NXPH1: variants seen among roughly 807,000 people sequenced by gnomAD.
NXPH1 encodes neurexophilin-1.
In NXPH1, 5 loss-of-function variants were observed where a neutral mutation model predicts 23.7. The observed-to-expected ratio is 0.21, with a 90% CI of 0.11 to 0.44. NXPH1 has a LOEUF of 0.44. Ranked by LOEUF, NXPH1 falls within the 20% of genes least tolerant of loss-of-function variation. NXPH1 has a pLI of 0.99. For synonymous variants in NXPH1, 144 were observed against 122.2 expected, an observed-to-expected ratio of 1.18 and a Z score of -1.18; for missense variants, 324 against 321.6, an observed-to-expected ratio of 1.01 and a Z score of -0.06.
chr7:8,605,487 G>A (rs951278978), intron 2 of NXPH1, among the ~76,000 whole-genome samples: 2 of 152,082 alleles, frequency 1.3e-5, no homozygotes, highest in Non-Finnish European at 2.9e-5. Flanking sequence ...TATTGCTAGG[G>A]ATTAGAAGCA....
intron 2 of NXPH1, among the ~76,000 whole-genome samples, chr7:8,529,460 G>A (rs942216482): frequency 6.6e-6 from 1 of 152,120 alleles, no homozygotes; most frequent in African/African-American, 2.4e-5. Context: ...GAGATAAGGA[G>A]ACTTGATGGG....
Position 8,635,831 on chromosome 7 carries a change from A to G in NXPH1, c.55-115177A>G, listed in dbSNP as rs115218634. 2.0e-3 allele frequency among the ~76,000 whole-genome samples: 299 copies of G among 152,302 alleles called. 2 individuals are homozygous for G. The highest frequency in any genetic ancestry group is 6.7e-3 in the African/African-American group (277 of 41,580). On this transcript the variant is annotated intron_variant, in intron 2 of 2. Coordinates refer to ENST00000405863, the MANE Select transcript of NXPH1 (RefSeq NM_152745.3). ...AGTTTGGTCCAACTGAATTTAGAAT[A>G]TATACACTTGGATAGTTTGCCCATT...
chr7:8,570,281 G>T (rs1277375959), intron 2 of NXPH1, among the ~76,000 whole-genome samples: 7 of 151,942 alleles, frequency 4.6e-5, no homozygotes, highest in Non-Finnish European at 1.0e-4. Flanking sequence ...AATGGAGGCA[G>T]CATAGTTAAG....
chr7:8,564,526 C>T (rs988064906), intron 2 of NXPH1, among the ~76,000 whole-genome samples: 2 of 151,698 alleles, frequency 1.3e-5, no homozygotes, highest in Admixed American at 1.3e-4. Context: ...GAAAGCATAT[C>T]TCAAACTGAG....
intron 2 of NXPH1, among the ~76,000 whole-genome samples, chr7:8,604,111 G>C (rs1225198660): frequency 6.6e-6 from 1 of 152,032 alleles, no homozygotes; most frequent in Admixed American, 6.6e-5. Flanking sequence ...TTCTTCTAAA[G>C]ACTAAGCTGG....
chr7:8,489,637 A>G (rs1817216196), intron 2 of NXPH1, among the ~76,000 whole-genome samples: 1 of 152,112 alleles, frequency 6.6e-6, no homozygotes, highest in Non-Finnish European at 1.5e-5. Flanking sequence ...GGCAAATATT[A>G]GGATACTGTG....
intron 2 of NXPH1, among the ~76,000 whole-genome samples, chr7:8,461,703 G>A (rs1271579661): frequency 6.6e-6 from 1 of 150,506 alleles, no homozygotes; most frequent in Non-Finnish European, 1.5e-5. Context: ...GGTGGCGGGC[G>A]CCTGTAGTCC....
intron 2 of NXPH1, among the ~76,000 whole-genome samples, chr7:8,661,690 A>G (rs900658147): frequency 2.6e-5 from 4 of 152,166 alleles, no homozygotes; most frequent in African/African-American, 9.6e-5. Flanking sequence ...CTTTGGTTCA[A>G]TTATATCCCA....
chr7:8,453,975 T>C (rs562360348), intron 2 of NXPH1, among the ~76,000 whole-genome samples: 2 of 152,194 alleles, frequency 1.3e-5, no homozygotes, highest in East Asian at 3.9e-4. Context: ...TCTTTCTCCT[T>C]AGCAAACTAA....
intron 2 of NXPH1, among the ~76,000 whole-genome samples, chr7:8,744,871 A>G (rs147014984): frequency 6.6e-6 from 1 of 152,250 alleles, no homozygotes; most frequent in East Asian, 1.9e-4. Flanking sequence ...TTTCTCTGCT[A>G]CTGTTTTGGT....
intron 2 of NXPH1, among the ~76,000 whole-genome samples, chr7:8,466,367 G>A (rs946752364): frequency 2.0e-5 from 3 of 152,166 alleles, no homozygotes; most frequent in Admixed American, 1.3e-4. Flanking sequence ...GGAACGATGA[G>A]CTCTTTTTAT....
At chr7:8,693,608 G>A (rs1408792549) in intron 2 of NXPH1, among the ~76,000 whole-genome samples, 1 of 152,174 alleles carries the variant, frequency 6.6e-6, no homozygotes, top group Non-Finnish European at 1.5e-5. Context: ...ATCATTAAGT[G>A]TTATTATTTT....
chr7:8,577,869 G>A (rs1315956193), intron 2 of NXPH1, among the ~76,000 whole-genome samples: 2 of 152,250 alleles, frequency 1.3e-5, no homozygotes, highest in South Asian at 2.1e-4. Context: ...ATTTGAAGAG[G>A]GACTGAGGCT....
chr7:8,627,591 C>G (rs899850826), intron 2 of NXPH1, among the ~76,000 whole-genome samples: 7 of 152,110 alleles, frequency 4.6e-5, no homozygotes, highest in African/African-American at 7.2e-5. Flanking sequence ...CATTTTATTA[C>G]TGACACTGAA....
chr7:8,654,678 C>T (rs1250949853), intron 2 of NXPH1, among the ~76,000 whole-genome samples: 1 of 152,152 alleles, frequency 6.6e-6, no homozygotes, highest in African/African-American at 2.4e-5. Context: ...TTTGCATCCT[C>T]ACTCAAGCCA....
At chr7:8,531,864 A>G (rs1817954159) in intron 2 of NXPH1, among the ~76,000 whole-genome samples, 1 of 152,102 alleles carries the variant, frequency 6.6e-6, no homozygotes, top group Non-Finnish European at 1.5e-5. Context: ...CAGTAGCAGT[A>G]TTTTTCTGTG....
At chr7:8,457,146 T>G (rs995854581) in intron 2 of NXPH1, among the ~76,000 whole-genome samples, 7 of 152,206 alleles carry the variant, frequency 4.6e-5, no homozygotes, top group African/African-American at 1.7e-4. Context: ...ACTCTTTACC[T>G]GTGGAAGAGG....
intron 2 of NXPH1, among the ~76,000 whole-genome samples, chr7:8,695,792 A>C (rs1821299933): frequency 6.6e-6 from 1 of 152,244 alleles, no homozygotes; most frequent in Non-Finnish European, 1.5e-5. Context: ...GTTGAATTTT[A>C]ATCAATAGGA....
At chr7:8,650,000 G>A (rs12674405) in intron 2 of NXPH1, among the ~76,000 whole-genome samples, 107,046 of 151,988 alleles carry the variant, frequency 0.7, 38,501 homozygotes, top group East Asian at 1. Flanking sequence ...ACATTGGACA[G>A]TTTTACCTGG....
Sources: allele counts gnomAD v4.1 joint callset (sites outside exome capture counted in the v4.1 genomes callset), GRCh38; gene constraint gnomAD v4.1.1; transcripts MANE v1.5; gene names NCBI Gene and HGNC (gene_info 2026-07-23, HGNC 2026-07-21).